Variants in DDX59 observed in about 807,000 individuals in gnomAD.
DDX59 encodes DEAD-box helicase 59.
In DDX59, 30 loss-of-function variants were observed where a neutral mutation model predicts 51.9. The observed-to-expected ratio is 0.58, with a 90% CI of 0.43 to 0.78. The LOEUF (loss-of-function observed/expected upper bound fraction) is 0.78, where lower values mean the gene tolerates loss of function less well. Among genes scored for constraint, DDX59 ranks in the 30% least tolerant of loss-of-function variants. The pLI, the probability that DDX59 is intolerant of heterozygous loss-of-function variation, is 0.00. For missense variants in DDX59, 672 were observed against 730.8 expected, an observed-to-expected ratio of 0.92 and a Z score of 0.93; for synonymous variants, 255 against 253.3, an observed-to-expected ratio of 1.01 and a Z score of -0.06.
intron 4 of DDX59, 122 bp downstream of exon 4, chr1:200,658,905 A>G (rs1466926190): frequency 1.3e-5 from 10 of 781,986 alleles, no homozygotes; most frequent in Admixed American, 8.0e-5. Flanking sequence ...CAATGCTTTA[A>G]AAGTCCCTGA....
At chr1:200,642,020 AT>A (rs1357397145), downstream of DDX59, among the ~76,000 whole-genome samples, 2 of 152,180 alleles carry the variant, frequency 1.3e-5, no homozygotes, top group African/African-American at 4.8e-5. Context: ...TAATAAAAAA[AT>A]AAATAAAATA....
chr1:200,665,962 G>A lies in DDX59; in HGVS notation c.779C>T (p.Pro260Leu). The A allele has an allele frequency of 1.2e-6, 2 of 1,610,514 alleles. No homozygotes were observed. Among genetic ancestry groups the A allele is most frequent in the Non-Finnish European group, 1.7e-6 (2 of 1,178,234 alleles). The change falls in exon 2 of 8, where the codon CCT becomes CTT. Residue 260 changes from proline (P) to leucine (L), a missense_variant. Coordinates refer to ENST00000331314, the MANE Select transcript of DDX59 (RefSeq NM_001031725.6). Reference sequence around the variant, plus strand: ...CTCGAATAAAGCTCGCATGATAACAGGAAGAAGAAAAGCAGCTGTTTTTCC... The same window carrying A: ...CTCGAATAAAGCTCGCATGATAACAAGAAGAAGAAAAGCAGCTGTTTTTCC... ...GSGKTAAFLLPVIMRALFESK... is the reference protein window; with the variant it reads ...GSGKTAAFLLLVIMRALFESK...
chr1:200,656,871 T>G (rs955912458), intron 4 of DDX59, among the ~76,000 whole-genome samples: 1 of 152,070 alleles, frequency 6.6e-6, no homozygotes, highest in South Asian at 2.1e-4. Context: ...CTGGGCAACA[T>G]AGCAAGACCC....
At chr1:200,658,486 G>A (rs1483428166) in intron 4 of DDX59, among the ~76,000 whole-genome samples, 1 of 152,182 alleles carries the variant, frequency 6.6e-6, no homozygotes, top group East Asian at 1.9e-4. Context: ...CTTGAGCCCA[G>A]GAGTTCAAGA....
chr1:200,645,575 T>C (rs982449616), intron 7 of DDX59, among the ~76,000 whole-genome samples: 3 of 152,130 alleles, frequency 2.0e-5, no homozygotes, highest in Non-Finnish European at 4.4e-5. Flanking sequence ...TTATTTCTCA[T>C]GTTGAGAGAA....
In DDX59 at chr1:200,644,479, C is replaced by T. The variant is rs765990917; in HGVS notation, c.1635G>A (p.Ala545=). 5.0e-6 allele frequency: 8 copies of T among 1,597,876 alleles called. No homozygotes were observed. Among genetic ancestry groups the T allele is most frequent in the Admixed American group, 1.7e-5 (1 of 57,828 alleles). The change falls in exon 8 of 8, where the codon GCG becomes GCA. Residue 545 remains alanine, a synonymous_variant. Coordinates refer to ENST00000331314, the MANE Select transcript of DDX59 (RefSeq NM_001031725.6). ...TTGAATTATTATTGATGAAAGTAATCGCTGTTCCATTTTGACCTAATCTTC... is the reference window on the plus strand; with the variant it reads ...TTGAATTATTATTGATGAAAGTAATTGCTGTTCCATTTTGACCTAATCTTC... ...RVGRLGQNGT[A]ITFINNNSKR... is the part of the protein sequence containing the mutation.
intron 3 of DDX59, among the ~76,000 whole-genome samples, 183 bp from the exon 4 acceptor site, chr1:200,659,299 T>C (rs1662232151): frequency 6.6e-6 from 1 of 152,104 alleles, no homozygotes. Context: ...AAGAAACAGA[T>C]AAAACCAGAA....
chr1:200,652,312 C>A (rs1661719337), intron 4 of DDX59, among the ~76,000 whole-genome samples: 2 of 152,084 alleles, frequency 1.3e-5, no homozygotes, highest in East Asian at 3.9e-4. Flanking sequence ...GCCAGGGCAC[C>A]CAGCTCAGCA....
intron 3 of DDX59, among the ~76,000 whole-genome samples, chr1:200,659,865 T>TG (rs1457087862): frequency 6.6e-6 from 1 of 152,126 alleles, no homozygotes; most frequent in Non-Finnish European, 1.5e-5. Flanking sequence ...TTTTGTTTTT[T>TG]TGCAGAGACA....
chr1:200,654,128 G>A (rs1661847307), intron 4 of DDX59, among the ~76,000 whole-genome samples: 1 of 152,154 alleles, frequency 6.6e-6, no homozygotes, highest in Non-Finnish European at 1.5e-5. Flanking sequence ...AGAATCACCT[G>A]AAGGGCCGGG....
intron 7 of DDX59, among the ~76,000 whole-genome samples, chr1:200,645,692 C>T (rs1661255607): frequency 6.6e-6 from 1 of 152,148 alleles, no homozygotes; most frequent in Admixed American, 6.5e-5. Flanking sequence ...GGGGAAAATA[C>T]ACAATCATGG....
intron 2 of DDX59, among the ~76,000 whole-genome samples, chr1:200,664,814 T>C (rs1475663092): frequency 6.6e-6 from 1 of 152,170 alleles, no homozygotes; most frequent in African/African-American, 2.4e-5. Context: ...TAGCTGGGAT[T>C]ACAGGCATGC....
In DDX59 at chr1:200,649,228, T is replaced by A; in HGVS notation, c.1315-2A>T. 6.4e-7 allele frequency: 1 copy of A among 1,560,922 alleles called. No individual in the cohort carries two copies. Among genetic ancestry groups the A allele is most frequent in the South Asian group, 1.3e-5 (1 of 79,616 alleles). On this transcript the variant is annotated splice_acceptor_variant, in intron 5 of 7. Coordinates refer to ENST00000331314, the MANE Select transcript of DDX59 (RefSeq NM_001031725.6). LOFTEE classifies it high-confidence loss of function. ...TGGAGGCTTAAAGAGTTTCTTATCC[T>A]GAAAAATTAAAAACATATATCAAAA...
intron 7 of DDX59, 140 bp downstream of exon 7, chr1:200,648,299 G>C: frequency 1.8e-6 from 2 of 1,141,142 alleles, no homozygotes; most frequent in Non-Finnish European, 2.4e-6. Flanking sequence ...TGCCCGCGAT[G>C]GCCTTCCAAA....
chr1:200,666,284 T>C lies in DDX59; in HGVS notation c.457A>G (p.Lys153Glu). 1 of 1,614,228 alleles carries C rather than the reference T, an allele frequency of 6.2e-7. No individual in the cohort carries two copies. Among genetic ancestry groups the C allele is most frequent in the East Asian group, 2.2e-5 (1 of 44,890 alleles). The change falls in exon 2 of 8, where the codon AAG (lysine) becomes GAG (glutamate). Residue 153 changes from lysine (K) to glutamate (E), a missense_variant. By Grantham distance (56) the Lys-to-Glu change is moderately conservative (BLOSUM62 1). Coordinates refer to ENST00000331314, the MANE Select transcript of DDX59 (RefSeq NM_001031725.6). ...EEKSKLSNPQ[K>E]ADSEPESPLN... The stretch of plus-strand genomic sequence containing the variant: ...GGAGACTCTGGCTCAGAATCAGCCT[T>C]CTGTGGATTGCTGAGTTTTGATTTC...
chr1:200,660,457 G>C (rs1446067733), intron 3 of DDX59, among the ~76,000 whole-genome samples: 1 of 152,144 alleles, frequency 6.6e-6, no homozygotes, highest in Non-Finnish European at 1.5e-5. Context: ...AGGCGGCCCT[G>C]CATGGGGTGC....
In DDX59 at chr1:200,664,754, C is replaced by T. The variant is rs184208914; in HGVS notation, c.805-668G>A. ...GCAATGGCACAATCTCGGCTCACCG[C>T]AACCTCCGCCTCCTGGGTTCAAGTG... On this transcript the variant is annotated intron_variant, in intron 2 of 7. Coordinates refer to ENST00000331314, the MANE Select transcript of DDX59 (RefSeq NM_001031725.6). Among the ~76,000 whole-genome samples, 3 of 152,266 alleles carry T rather than the reference C, an allele frequency of 2.0e-5. No homozygotes were observed. In the East Asian group the frequency reaches 5.8e-4, roughly 29 times the overall value.
In DDX59 at chr1:200,663,950, G is replaced by A. The variant is rs753391586; in HGVS notation, c.941C>T (p.Pro314Leu). The change falls in exon 3 of 8, where the codon CCA becomes CTA. Residue 314 changes from proline to leucine, a missense_variant. Physicochemically the swap from Pro to Leu is moderately conservative, Grantham distance 98. Coordinates refer to ENST00000331314, the MANE Select transcript of DDX59 (RefSeq NM_001031725.6). ...ATGTTGTTGCAGACGATAAAGCTGT[G>A]GGGGTAAGGGTAAGCCCCCTACAAG... ...VLLVGGLPLP[P>L]QLYRLQQHVK... is the part of the protein sequence containing the mutation. 1 of 1,613,198 alleles carries A rather than the reference G, an allele frequency of 6.2e-7. No individual in the cohort carries two copies. The highest frequency in any genetic ancestry group is 1.3e-5 in the African/African-American group (1 of 74,858).
At position 200,650,549 on chromosome 1, in the gene DDX59, T is replaced by C; in HGVS notation, c.1190A>G (p.Gln397Arg). The C allele has an allele frequency of 1.2e-6, 2 of 1,614,146 alleles. No homozygotes were observed. Among genetic ancestry groups the C allele is most frequent in the Non-Finnish European group, 1.7e-6 (2 of 1,180,002 alleles). ...AATTCTCACAGGATTATGCAGAAGCTGGCTTGCTAGCTGTTCTATGCTAGT... is the reference window on the plus strand; with the variant it reads ...AATTCTCACAGGATTATGCAGAAGCCGGCTTGCTAGCTGTTCTATGCTAGT... ...IPTSIEQLAS[Q>R]LLHNPVRIIT... Residue 397 changes from glutamine to arginine, a missense_variant, in exon 5 of 8, where the codon CAG (glutamine) becomes CGG (arginine). By Grantham distance (43) the Gln-to-Arg change is conservative. Coordinates refer to ENST00000331314, the MANE Select transcript of DDX59 (RefSeq NM_001031725.6).
Sources: allele counts gnomAD v4.1 joint callset (sites outside exome capture counted in the v4.1 genomes callset), GRCh38; gene constraint gnomAD v4.1.1; transcripts MANE v1.5; gene names NCBI Gene and HGNC (gene_info 2026-07-23, HGNC 2026-07-21).